Variants in SLA observed in about 807,000 individuals in gnomAD.
SLA encodes Src like adaptor, also known as src-like-adapter.
Under a neutral mutation model 30.3 loss-of-function variants are expected in SLA, and 16 were observed. That is an observed-to-expected ratio of 0.53 (90% confidence interval 0.36 to 0.80). SLA has a LOEUF of 0.80. Ranked by LOEUF, SLA falls within the 30% of genes least tolerant of loss-of-function variation. The pLI is 0.01. For missense variants in SLA, 310 were observed against 345.2 expected (o/e 0.90, Z 0.81); for synonymous variants, 143 against 137.8 (o/e 1.04, Z -0.26).
chr8:133,074,553 C>A (rs1188714794), intron 2 of SLA, among the ~76,000 whole-genome samples: 1 of 152,170 alleles, frequency 6.6e-6, no homozygotes, highest in African/African-American at 2.4e-5. Context: ...TGGCAAATCC[C>A]AATTATCCTT....
At chr8:133,073,031 C>T (rs1844308948) in intron 2 of SLA, 1 of 152,174 alleles carries the variant, frequency 6.6e-6, no homozygotes, top group African/African-American at 2.4e-5. Flanking sequence ...CCAATAGCTC[C>T]TATTTAGTAC....
At chr8:133,054,250 G>A (rs4458855) in intron 3 of SLA, among the ~76,000 whole-genome samples, 4 of 152,172 alleles carry the variant, frequency 2.6e-5, no homozygotes, top group African/African-American at 9.7e-5. Context: ...GAGAGTTGAG[G>A]AAGTCAGTGG....
chr8:133,047,656 C>T (rs1399604561), intron 6 of SLA, 174 bp downstream of exon 6: 23 of 632,208 alleles, frequency 3.6e-5, no homozygotes, highest in Non-Finnish European at 6.1e-5. Flanking sequence ...TCTCTAGTCC[C>T]CTTGCTTCCC....
chr8:133,054,269 C>A (rs747778917), intron 3 of SLA, among the ~76,000 whole-genome samples: 2 of 152,042 alleles, frequency 1.3e-5, no homozygotes, highest in Non-Finnish European at 2.9e-5. Flanking sequence ...GGAATTATTG[C>A]AGACTTAAGA....
chr8:133,101,723 T>C (rs1307342659), intron 1 of SLA, among the ~76,000 whole-genome samples: 2 of 152,204 alleles, frequency 1.3e-5, no homozygotes, highest in Non-Finnish European at 2.9e-5. Flanking sequence ...AGTCAGATGA[T>C]AACAGACAAG....
intron 5 of SLA, chr8:133,049,223 A>G (rs1483042297): frequency 2.3e-6 from 1 of 443,506 alleles, no homozygotes; most frequent in Non-Finnish European, 4.5e-6. Flanking sequence ...TTATCTGTTG[A>G]GCCTAGTTTT....
At chr8:133,058,250 G>A (rs1215749495) in intron 3 of SLA, among the ~76,000 whole-genome samples, 2 of 152,136 alleles carry the variant, frequency 1.3e-5, no homozygotes, top group Admixed American at 1.3e-4. Context: ...TCAGGGCTGG[G>A]GGTTGAAAAA....
At chr8:133,077,043 T>A (rs1408837323) in intron 1 of SLA, among the ~76,000 whole-genome samples, 3 of 152,194 alleles carry the variant, frequency 2.0e-5, no homozygotes, top group Non-Finnish European at 4.4e-5. Flanking sequence ...GGGGCGCAGA[T>A]GTGCTACTTT....
chr8:133,086,781 C>T (rs1846634753), intron 1 of SLA, among the ~76,000 whole-genome samples: 1 of 152,134 alleles, frequency 6.6e-6, no homozygotes, highest in Admixed American at 6.5e-5. Context: ...GGGAAGCTCT[C>T]AATATTGTTA....
At chr8:133,096,496 A>G in intron 1 of SLA, 6 of 1,223,776 alleles carry the variant, frequency 4.9e-6, no homozygotes, top group Non-Finnish European at 7.0e-6. Flanking sequence ...TGCAATGCCT[A>G]TGTGAGTTTA....
At chr8:133,072,450 A>G (rs1844207360) in intron 2 of SLA, among the ~76,000 whole-genome samples, 1 of 152,096 alleles carries the variant, frequency 6.6e-6, no homozygotes, top group African/African-American at 2.4e-5. Context: ...GGATAGATGG[A>G]TAGATAGATA....
At chr8:133,078,661 C>G (rs1268570194) in intron 1 of SLA, among the ~76,000 whole-genome samples, 1 of 152,216 alleles carries the variant, frequency 6.6e-6, no homozygotes, top group Non-Finnish European at 1.5e-5. Context: ...CCAGGCAAGA[C>G]TAGGCCCTAC....
chr8:133,072,375 G>T (rs1282387342), intron 2 of SLA, among the ~76,000 whole-genome samples: 2 of 152,244 alleles, frequency 1.3e-5, no homozygotes, highest in Non-Finnish European at 2.9e-5. Flanking sequence ...GATTGAGAGA[G>T]GGAGGAAGTC....
At chr8:133,074,558 A>G (rs2739155) in intron 2 of SLA, among the ~76,000 whole-genome samples, 128,931 of 152,204 alleles carry the variant, frequency 0.85, 55,089 homozygotes, top group African/African-American at 0.96. Context: ...AATCCCAATT[A>G]TCCTTTGTAA....
rs749173139 is a variant in SLA, at chr8:133,045,127, G to A, written c.353-12C>T. 1.2e-6 allele frequency: 2 copies of A among 1,613,916 alleles called. No individual in the cohort carries two copies. Among genetic ancestry groups the A allele is most frequent in the Non-Finnish European group, 1.7e-6 (2 of 1,179,894 alleles). ...CAGTGAGTAAAACCCTGCAGGAGGT[G>A]GAGGATAAGTCAGTGGGCTCCACCT... On this transcript the variant is annotated splice_polypyrimidine_tract_variant and intron_variant, in intron 6 of 8. Transcript: ENST00000338087.
intron 1 of SLA, among the ~76,000 whole-genome samples, chr8:133,082,294 G>T (rs1328838004): frequency 6.6e-6 from 1 of 152,198 alleles, no homozygotes; most frequent in Non-Finnish European, 1.5e-5. Context: ...GTTATTGACA[G>T]CTAGCTTTGG....
At chr8:133,058,656 AG>A (rs895261751) in intron 3 of SLA, among the ~76,000 whole-genome samples, 7 of 152,058 alleles carry the variant, frequency 4.6e-5, no homozygotes, top group Non-Finnish European at 7.4e-5. Context: ...CAGTTTGGAG[AG>A]GGTGAGAAAG....
chr8:133,039,953 G>GCGCACA, intron 8 of SLA, 45 bp downstream of exon 8: 5 of 1,433,550 alleles, frequency 3.5e-6, no homozygotes, highest in Non-Finnish European at 4.7e-6. Flanking sequence ...GCACTTGCAT[G>GCGCACA]CACACACACA....
chr8:133,095,289 C>T, intron 1 of SLA: 2 of 1,591,274 alleles, frequency 1.3e-6, no homozygotes, highest in Non-Finnish European at 1.7e-6. Context: ...AAGGAGGTGT[C>T]ACCCACCCCA....
Sources: allele counts gnomAD v4.1 joint callset (sites outside exome capture counted in the v4.1 genomes callset), GRCh38; gene constraint gnomAD v4.1.1; transcripts MANE v1.5; gene names NCBI Gene and HGNC (gene_info 2026-07-23, HGNC 2026-07-21).